Variants in NELFB observed in about 807,000 individuals in gnomAD.
NELFB encodes negative elongation factor B.
In NELFB, 34 loss-of-function variants were observed where a neutral mutation model predicts 60.2. The ratio of observed to expected loss-of-function variants is 0.56; its 90% CI spans 0.43 to 0.75. The LOEUF is 0.75. NELFB is among the 30% of genes least tolerant of loss of function. The pLI, the probability that NELFB is intolerant of heterozygous loss-of-function variation, is 0.00. For missense variants in NELFB, 770 were observed against 831.6 expected, an observed-to-expected ratio of 0.93 and a Z score of 0.91; for synonymous variants, 459 against 382.1, an observed-to-expected ratio of 1.20 and a Z score of -2.35.
chr9:137,259,061 C>T (rs138892791), intron 4 of NELFB, among the ~76,000 whole-genome samples: 3 of 152,178 alleles, frequency 2.0e-5, no homozygotes, highest in East Asian at 1.9e-4. Flanking sequence ...CATGGTGGTG[C>T]GTACCTGTTG....
rs1837537410 is a variant in NELFB, at chr9:137,255,590, C to G, written c.225C>G (p.Leu75=). The change falls in exon 1 of 13, where the codon CTC becomes CTG. Residue 75 remains leucine, a synonymous_variant. Coordinates refer to ENST00000343053, the MANE Select transcript of NELFB (RefSeq NM_015456.5). ...CCCTGACCAACTGCACGGAGCCGCT[C>G]AAGGCCATCGAGCAGTTCCAGGTGG... is the stretch of plus-strand genomic sequence containing the variant. The G allele has an allele frequency of 1.3e-6, 2 of 1,549,400 alleles. No individual in the cohort carries two copies. The highest frequency in any genetic ancestry group is 1.7e-6 in the Non-Finnish European group (2 of 1,146,840).
At chr9:137,270,673 C>T (rs1044111100) in intron 10 of NELFB, among the ~76,000 whole-genome samples, 14 of 152,172 alleles carry the variant, frequency 9.2e-5, no homozygotes, top group Non-Finnish European at 7.3e-5. Context: ...GTAATCCCAG[C>T]GCTTTGGGAG....
intron 10 of NELFB, among the ~76,000 whole-genome samples, chr9:137,270,984 G>A (rs1432036169): frequency 6.6e-6 from 1 of 152,250 alleles, no homozygotes; most frequent in Non-Finnish European, 1.5e-5. Context: ...GTTCACTGCC[G>A]CTCCTCTGCC....
In NELFB at chr9:137,267,072, C is replaced by T. The variant is rs552363247; in HGVS notation, c.1368C>T (p.Pro456=). Residue 456 remains proline, a synonymous_variant, in exon 9 of 13, where the codon CCC becomes CCT. Transcript: ENST00000343053. ...CAGTCTCATATCCAAACACACTTCCCGAAAGCTTCACTAAGTACGGGCTGT... is the reference window on the plus strand; with the variant it reads ...CAGTCTCATATCCAAACACACTTCCTGAAAGCTTCACTAAGTACGGGCTGT... 7.8e-5 allele frequency: 126 copies of T among 1,614,010 alleles called. 2 individuals are homozygous for T. In the South Asian group the frequency reaches 8.5e-4, roughly 11 times the overall value.
chr9:137,267,121 G>T (rs758099741), intron 9 of NELFB, 35 bp downstream of exon 9: 4 of 1,613,376 alleles, frequency 2.5e-6, no homozygotes, highest in Admixed American at 1.7e-5. Context: ...AGGGGTGGCC[G>T]TGGCGCAGGG....
In NELFB at chr9:137,272,207, T is replaced by A. The variant is rs76713934; in HGVS notation, c.1616T>A (p.Leu539His). ...AGCAGCCTCTTCGATGGCTTCTTCC[T>A]CACCGCCTCTCCAAGGTAGGCCTGC... Residue 539 changes from leucine (L) to histidine (H), a missense_variant, in exon 11 of 13, where the codon CTC becomes CAC. By Grantham distance (99) the Leu-to-His change is moderately conservative. Transcript: ENST00000343053. 1.2e-6 allele frequency: 2 copies of A among 1,614,054 alleles called. No individual in the cohort carries two copies. Among genetic ancestry groups the A allele is most frequent in the South Asian group, 2.2e-5 (2 of 91,090 alleles).
rs555320129 is a variant in NELFB, at chr9:137,264,242, C to T, written c.928-3C>T. ...TGGTCCCGACCGTGCTTCCTCCTTG[C>T]AGTTCACCTGGTGCCTGGACGCCTG... On this transcript the variant is annotated splice_region_variant and splice_polypyrimidine_tract_variant and intron_variant, in intron 5 of 12. Coordinates refer to ENST00000343053, the MANE Select transcript of NELFB (RefSeq NM_015456.5). The T allele has an allele frequency of 1.9e-6, 3 of 1,580,188 alleles. No homozygotes were observed. Among genetic ancestry groups the T allele is most frequent in the Non-Finnish European group, 2.6e-6 (3 of 1,163,868 alleles).
rs997931610 is a variant in NELFB, at chr9:137,269,904, G to C, written c.1490-2177G>C. 6.6e-6 allele frequency among the ~76,000 whole-genome samples: 1 copy of C among 152,216 alleles called. No individual in the cohort carries two copies. The highest frequency in any genetic ancestry group is 1.5e-5 in the Non-Finnish European group (1 of 68,034). Reference sequence around the variant, plus strand: ...TTTCAGTCACATTTGGGGAGAGCACGCGTGTTCTTAAGTTTTTAGCGGGTT... The same window carrying C: ...TTTCAGTCACATTTGGGGAGAGCACCCGTGTTCTTAAGTTTTTAGCGGGTT... On this transcript the variant is annotated intron_variant, in intron 10 of 12. Coordinates refer to ENST00000343053, the MANE Select transcript of NELFB (RefSeq NM_015456.5). The surrounding 1 kb of genome is among the most constrained non-coding windows in gnomAD (Gnocchi z 5.3).
intron 4 of NELFB, 23 bp downstream of exon 4, chr9:137,257,077 G>A (rs777041835): frequency 6.5e-5 from 104 of 1,597,844 alleles, no homozygotes; most frequent in Non-Finnish European, 8.5e-5. Context: ...GCCGTGTGCG[G>A]GGTGGGGCAC....
Position 137,263,132 on chromosome 9 carries a change from T to C in NELFB, c.837T>C (p.Asn279=). The change falls in exon 5 of 13, where the codon AAT becomes AAC. Residue 279 remains asparagine (N), a synonymous_variant. Transcript: ENST00000343053. The stretch of plus-strand genomic sequence containing the variant: ...GCACGCTCTTCCTGCGCACGCGGAA[T>C]GTGCACTACTGCACGCTGCGGGCTG... 2 of 1,614,112 alleles carry C rather than the reference T, an allele frequency of 1.2e-6. No individual in the cohort carries two copies. The highest frequency in any genetic ancestry group is 1.7e-6 in the Non-Finnish European group (2 of 1,179,994).
At chr9:137,260,206 C>T (rs1398023697) in intron 4 of NELFB, among the ~76,000 whole-genome samples, 4 of 150,656 alleles carry the variant, frequency 2.7e-5, no homozygotes, top group African/African-American at 4.9e-5. Flanking sequence ...CCCACCACCA[C>T]GCCCAGCTAT....
intron 4 of NELFB, among the ~76,000 whole-genome samples, chr9:137,258,120 T>G (rs1837586332): frequency 4.5e-4 from 2 of 4,484 alleles, no homozygotes; most frequent in Non-Finnish European, 2.3e-3. Context: ...TTGTTGGGGT[T>G]TTTTTTTTTT....
In NELFB at chr9:137,273,278, G is replaced by A. The variant is rs28527282; in HGVS notation, c.*350G>A. On this transcript the variant is annotated 3_prime_UTR_variant, in exon 13 of 13. Transcript: ENST00000343053. ...GGCCTCTTCATTGGCCCAGCTTGGCGAAAGCGAGGCACACTGCTTACTGCC... is the reference window on the plus strand; with the variant it reads ...GGCCTCTTCATTGGCCCAGCTTGGCAAAAGCGAGGCACACTGCTTACTGCC... The A allele has an allele frequency of 0.041, 9,758 of 240,294 alleles. 241 individuals carry two copies. Among genetic ancestry groups the A allele is most frequent in the Non-Finnish European group, 0.049 (6,069 of 123,192 alleles). The allele number at this position is 240,294 out of a possible 1,614,324, so 14.9% of individuals were successfully genotyped here.
chr9:137,265,440 G>T (rs573808208), intron 6 of NELFB, among the ~76,000 whole-genome samples: 9 of 134,110 alleles, frequency 6.7e-5, no homozygotes, highest in African/African-American at 1.1e-4. Flanking sequence ...CCAGGCTGGA[G>T]TGCAGTGACG....
rs377264851 is a variant in NELFB, at chr9:137,272,778, G to A, written c.1741-4G>A. On this transcript the variant is annotated splice_region_variant and splice_polypyrimidine_tract_variant and intron_variant, in intron 12 of 12. Transcript: ENST00000343053. ...CGCCTGCCCCATGGTGTGGTTCCCC[G>A]CAGAGCGGAGAGGCAGTGAAGGAGC... 1.4e-5 allele frequency: 22 copies of A among 1,544,124 alleles called. No individual in the cohort carries two copies. The highest frequency in any genetic ancestry group is 1.7e-4 in the Middle Eastern group (1 of 5,894).
At chr9:137,266,761 TGAG>T (rs1334804543) in intron 8 of NELFB, among the ~76,000 whole-genome samples, 180 bp from the exon 9 acceptor site, 3 of 150,216 alleles carry the variant, frequency 2.0e-5, no homozygotes, top group Non-Finnish European at 3.0e-5. Context: ...GAAGGGGGTT[TGAG>T]GAGATGGCCT....
In NELFB at chr9:137,273,176, C is replaced by A; in HGVS notation, c.*248C>A. On this transcript the variant is annotated 3_prime_UTR_variant, in exon 13 of 13. Coordinates refer to ENST00000343053, the MANE Select transcript of NELFB (RefSeq NM_015456.5). The stretch of plus-strand genomic sequence containing the variant: ...CTTTGGCAGCCATAGAAAGCGTGCT[C>A]ATTTTCTGTTTTCCTGTGTTAGGAA... The A allele has an allele frequency of 2.6e-6, 1 of 382,610 alleles. No homozygotes were observed. The highest frequency in any genetic ancestry group is 4.7e-6 in the Non-Finnish European group (1 of 214,482). 23.7% of individuals were successfully genotyped at this position (382,610 alleles called of 1,614,324 possible).
intron 2 of NELFB, 69 bp from the exon 3 acceptor site, chr9:137,256,260 G>A (rs962682168): frequency 3.4e-6 from 5 of 1,486,838 alleles, no homozygotes; most frequent in Non-Finnish European, 3.7e-6. Flanking sequence ...TGTTATCTGT[G>A]TAGGGACAGG....
Position 137,273,326 on chromosome 9 carries a change from G to A in NELFB, c.*398G>A, listed in dbSNP as rs762480432. 78 of 174,264 alleles carry A rather than the reference G, an allele frequency of 4.5e-4. 4 individuals are homozygous for A. Among genetic ancestry groups the A allele is most frequent in the East Asian group, 1.6e-4 (1 of 6,162 alleles). The allele number at this position is 174,264 out of a possible 1,614,324, so 10.8% of individuals were successfully genotyped here. On this transcript the variant is annotated 3_prime_UTR_variant, in exon 13 of 13. Coordinates refer to ENST00000343053, the MANE Select transcript of NELFB (RefSeq NM_015456.5). ...GCCTTGGGGTTGTGGAGATGGACCCGTGACCTCGTGGAGGCCGTGTGGGGG... is the reference window on the plus strand; with the variant it reads ...GCCTTGGGGTTGTGGAGATGGACCCATGACCTCGTGGAGGCCGTGTGGGGG...
Sources: allele counts gnomAD v4.1 joint callset (sites outside exome capture counted in the v4.1 genomes callset), GRCh38; gene constraint gnomAD v4.1.1; non-coding constraint Gnocchi (gnomAD v3.1); transcripts MANE v1.5; gene names NCBI Gene and HGNC (gene_info 2026-07-23, HGNC 2026-07-21).